Variants in SLC26A7 observed in about 807,000 individuals in gnomAD.
SLC26A7 encodes the protein solute carrier family 26 member 7.
In SLC26A7, 59 loss-of-function variants were observed where a neutral mutation model predicts 82.5. That is an observed-to-expected ratio of 0.72 (90% CI 0.58 to 0.89). The LOEUF is 0.89. Among genes scored for constraint, SLC26A7 ranks in the 40% least tolerant of loss-of-function variants. SLC26A7 has a pLI of 0.00. For missense variants in SLC26A7, 820 were observed against 793.0 expected, an observed-to-expected ratio of 1.03 and a Z score of -0.41; for synonymous variants, 271 against 274.3, an observed-to-expected ratio of 0.99 and a Z score of 0.12.
chr8:91,218,850 G>A, intron 1 of SLC26A7: 2 of 1,276,312 alleles, frequency 1.6e-6, no homozygotes, highest in Non-Finnish European at 2.2e-6. Context: ...AATACTTATT[G>A]AACACTGCCT....
exon 1 of SLC26A7, chr8:91,209,499 G>C (rs1190764047): frequency 6.6e-6 from 1 of 152,138 alleles, no homozygotes; most frequent in Non-Finnish European, 1.5e-5. Flanking sequence ...CGGAAGTGAA[G>C]CCAGCAAGTC....
intron 16 of SLC26A7, among the ~76,000 whole-genome samples, chr8:91,393,004 A>G (rs1808451842): frequency 6.6e-6 from 1 of 152,180 alleles, no homozygotes; most frequent in Non-Finnish European, 1.5e-5. Context: ...AGAACTTCTT[A>G]CTGCTGGAAG....
intron 11 of SLC26A7, among the ~76,000 whole-genome samples, chr8:91,357,871 G>A (rs1813917609): frequency 6.6e-6 from 1 of 152,026 alleles, no homozygotes; most frequent in South Asian, 2.1e-4. Context: ...TCTGACAAAG[G>A]GCTAATATCC....
At chr8:91,261,979 C>T (rs1265803619) in intron 2 of SLC26A7, among the ~76,000 whole-genome samples, 1 of 151,998 alleles carries the variant, frequency 6.6e-6, no homozygotes, top group Non-Finnish European at 1.5e-5. Flanking sequence ...GAGAGTAAAA[C>T]GTACCATTGG....
intron 9 of SLC26A7, among the ~76,000 whole-genome samples, chr8:91,349,629 G>T (rs1813659697): frequency 6.6e-6 from 1 of 152,010 alleles, no homozygotes; most frequent in Non-Finnish European, 1.5e-5. Flanking sequence ...TAATTCCCTA[G>T]CTCTATGACC....
intron 2 of SLC26A7, among the ~76,000 whole-genome samples, chr8:91,222,757 C>G (rs939765861): frequency 6.6e-6 from 1 of 152,098 alleles, no homozygotes; most frequent in Non-Finnish European, 1.5e-5. Flanking sequence ...TTCAGTTTGC[C>G]AGTGTTTTAC....
At chr8:91,313,752 CCTAA>C (rs1034491839) in intron 4 of SLC26A7, among the ~76,000 whole-genome samples, 2 of 152,078 alleles carry the variant, frequency 1.3e-5, no homozygotes, top group East Asian at 1.9e-4. Context: ...CAGTGCTGTG[CCTAA>C]CTCTTAGTAG....
At chr8:91,377,924 C>T (rs566291688) in intron 15 of SLC26A7, among the ~76,000 whole-genome samples, 2 of 152,220 alleles carry the variant, frequency 1.3e-5, no homozygotes, top group Non-Finnish European at 2.9e-5. Context: ...AAAACTTTGA[C>T]GTAGTTTTTG....
chr8:91,307,864 A>G (rs1311547293), intron 4 of SLC26A7, among the ~76,000 whole-genome samples: 1 of 148,298 alleles, frequency 6.7e-6, no homozygotes, highest in Admixed American at 6.7e-5. Flanking sequence ...TGCTAGACCA[A>G]TTTTTAAATT....
intron 5 of SLC26A7, among the ~76,000 whole-genome samples, chr8:91,329,046 A>C (rs899232242): frequency 1.3e-5 from 2 of 152,184 alleles, no homozygotes; most frequent in Admixed American, 6.6e-5. Context: ...TTATTTATCC[A>C]TACAGATATA....
upstream of SLC26A7, among the ~76,000 whole-genome samples, chr8:91,244,385 C>T (rs1451721998): frequency 6.7e-6 from 1 of 150,138 alleles, no homozygotes; most frequent in African/African-American, 2.4e-5. Context: ...TTTCTCCTCC[C>T]CTCTTTCCCT....
At chr8:91,306,441 A>G (rs1451661831) in intron 4 of SLC26A7, among the ~76,000 whole-genome samples, 1 of 152,218 alleles carries the variant, frequency 6.6e-6, no homozygotes, top group Non-Finnish European at 1.5e-5. Flanking sequence ...TGAATAGCAC[A>G]CACTTTGGTG....
At chr8:91,282,792 T>C (rs1308404583) in intron 2 of SLC26A7, among the ~76,000 whole-genome samples, 5 of 152,238 alleles carry the variant, frequency 3.3e-5, no homozygotes, top group African/African-American at 4.8e-5. Context: ...TCCTTTTTGC[T>C]GAGCATACCA....
intron 15 of SLC26A7, among the ~76,000 whole-genome samples, chr8:91,377,424 G>A (rs1814548309): frequency 6.6e-6 from 1 of 152,116 alleles, no homozygotes; most frequent in Non-Finnish European, 1.5e-5. Context: ...GCTCCCCTGG[G>A]ACCCACTGGT....
intron 2 of SLC26A7, among the ~76,000 whole-genome samples, chr8:91,226,585 T>C (rs1168873312): frequency 6.6e-6 from 1 of 152,254 alleles, no homozygotes. Flanking sequence ...AATGAGGAGC[T>C]ACTATCTACC....
At chr8:91,339,138 GC>G (rs1359749066) in intron 7 of SLC26A7, among the ~76,000 whole-genome samples, 2 of 151,970 alleles carry the variant, frequency 1.3e-5, no homozygotes, top group African/African-American at 4.8e-5. Context: ...TTCCTTTTAT[GC>G]CAATTTGTTG....
At chr8:91,225,658 T>G (rs1181146560) in intron 2 of SLC26A7, among the ~76,000 whole-genome samples, 27 of 133,726 alleles carry the variant, frequency 2.0e-4, no homozygotes, top group African/African-American at 6.3e-4. Context: ...TTTTTTTTTT[T>G]TTTTTTTTTT....
intron 8 of SLC26A7, among the ~76,000 whole-genome samples, chr8:91,342,258 G>A (rs1432263571): frequency 6.6e-6 from 1 of 152,130 alleles, no homozygotes. Context: ...TCCTTTCTCA[G>A]GGAGGCCTTC....
chr8:91,379,354 A>G (rs962233634), intron 15 of SLC26A7, among the ~76,000 whole-genome samples: 1 of 152,130 alleles, frequency 6.6e-6, no homozygotes, highest in African/African-American at 2.4e-5. Flanking sequence ...ATGGCCAAGA[A>G]TAGTCAAGAC....
Sources: allele counts gnomAD v4.1 joint callset (sites outside exome capture counted in the v4.1 genomes callset), GRCh38; gene constraint gnomAD v4.1.1; transcripts MANE v1.5; gene names NCBI Gene and HGNC (gene_info 2026-07-23, HGNC 2026-07-21).